B3GALT1: variants seen among roughly 807,000 people sequenced by gnomAD.
The protein encoded by B3GALT1 is beta-1,3-galactosyltransferase 1.
A neutral mutation model predicts 23.2 loss-of-function variants in B3GALT1; 10 were observed. That is an observed-to-expected ratio of 0.43 (90% confidence interval 0.27 to 0.73). The LOEUF (loss-of-function observed/expected upper bound fraction) is 0.73, where lower values mean the gene tolerates loss of function less well. Among genes scored for constraint, B3GALT1 ranks in the 30% least tolerant of loss-of-function variants. B3GALT1 has a pLI of 0.21. For missense variants in B3GALT1, 299 were observed against 405.4 expected (o/e 0.74, Z 2.25); for synonymous variants, 156 against 141.5 (o/e 1.10, Z -0.73).
At chr2:167,463,811 G>C (rs367907870) in intron 1 of B3GALT1, among the ~76,000 whole-genome samples, 29 of 152,290 alleles carry the variant, frequency 1.9e-4, no homozygotes, top group Admixed American at 9.8e-4. Context: ...TTTGATTTGA[G>C]CTTCTTTGAA....
intron 2 of B3GALT1, among the ~76,000 whole-genome samples, chr2:167,553,957 A>G (rs977350284): frequency 3.3e-5 from 5 of 152,186 alleles, no homozygotes; most frequent in Non-Finnish European, 7.3e-5. Flanking sequence ...CAAAATGTCA[A>G]AAAAATAAGG....
intron 2 of B3GALT1, among the ~76,000 whole-genome samples, chr2:167,565,383 A>G (rs1684137679): frequency 6.6e-6 from 1 of 152,262 alleles, no homozygotes; most frequent in Admixed American, 6.5e-5. Flanking sequence ...CTTAAACGTC[A>G]GACCTAAAAC....
At chr2:167,445,396 C>A (rs896926274) in intron 1 of B3GALT1, among the ~76,000 whole-genome samples, 3 of 152,176 alleles carry the variant, frequency 2.0e-5, no homozygotes, top group African/African-American at 7.2e-5. Flanking sequence ...TGGTGCAGAG[C>A]TGAGTTAAAT....
chr2:167,403,518 C>CA (rs1574065449), intron 1 of B3GALT1, among the ~76,000 whole-genome samples: 1 of 151,698 alleles, frequency 6.6e-6, no homozygotes, highest in African/African-American at 2.4e-5. Flanking sequence ...AAAAAAGACT[C>CA]AGAGTTTTGG....
At chr2:167,297,682 G>A (rs1696374853) in intron 1 of B3GALT1, among the ~76,000 whole-genome samples, 1 of 151,922 alleles carries the variant, frequency 6.6e-6, no homozygotes, top group Non-Finnish European at 1.5e-5. Context: ...CTTTCTTTGG[G>A]GTCTTTAGCT....
chr2:167,825,544 A>AT (rs1030156650), intron 4 of B3GALT1, among the ~76,000 whole-genome samples: 1 of 150,846 alleles, frequency 6.6e-6, no homozygotes, highest in African/African-American at 2.4e-5. Flanking sequence ...ATAGAAGACA[A>AT]TTCTCTTACT....
At chr2:167,551,950 T>C (rs1176022095) in intron 2 of B3GALT1, among the ~76,000 whole-genome samples, 1 of 152,234 alleles carries the variant, frequency 6.6e-6, no homozygotes, top group Non-Finnish European at 1.5e-5. Context: ...TTTGAAATAA[T>C]CCTTTTCAGT....
At chr2:167,553,897 A>G (rs1453550220) in intron 2 of B3GALT1, among the ~76,000 whole-genome samples, 1 of 152,212 alleles carries the variant, frequency 6.6e-6, no homozygotes, top group Non-Finnish European at 1.5e-5. Flanking sequence ...GTAAAAGGAC[A>G]GAAATGAGAG....
intron 3 of B3GALT1, among the ~76,000 whole-genome samples, chr2:167,805,992 C>T (rs57690258): frequency 0.03 from 4,481 of 151,106 alleles, 91 homozygotes; most frequent in South Asian, 0.057. Context: ...TTTGTATCCT[C>T]TTTTATTTCC....
chr2:167,510,109 T>C (rs1699983029), intron 2 of B3GALT1, among the ~76,000 whole-genome samples: 1 of 152,170 alleles, frequency 6.6e-6, no homozygotes, highest in Non-Finnish European at 1.5e-5. Flanking sequence ...TCTTACCCAA[T>C]ATCAAATTTG....
At chr2:167,679,170 G>A (rs1686484167) in intron 3 of B3GALT1, among the ~76,000 whole-genome samples, 2 of 151,096 alleles carry the variant, frequency 1.3e-5, no homozygotes, top group South Asian at 4.2e-4. Flanking sequence ...AGGCTGGAGT[G>A]CAATGGCGCA....
intron 2 of B3GALT1, among the ~76,000 whole-genome samples, chr2:167,616,871 T>C (rs978863252): frequency 6.6e-6 from 1 of 152,108 alleles, no homozygotes; most frequent in Non-Finnish European, 1.5e-5. Context: ...TTCTTGATAG[T>C]ACTTTGAATT....
intron 3 of B3GALT1, among the ~76,000 whole-genome samples, chr2:167,780,417 A>C (rs1037514551): frequency 6.6e-6 from 1 of 152,160 alleles, no homozygotes; most frequent in African/African-American, 2.4e-5. Context: ...AATTCTAAGA[A>C]CTCACTAACA....
intron 1 of B3GALT1, among the ~76,000 whole-genome samples, chr2:167,435,855 TGAA>T (rs1412732261): frequency 6.6e-6 from 1 of 152,084 alleles, no homozygotes; most frequent in Non-Finnish European, 1.5e-5. Context: ...CATAATTACT[TGAA>T]GAAGAACATT....
chr2:167,313,097 T>C (rs1436434820), intron 1 of B3GALT1, among the ~76,000 whole-genome samples: 1 of 152,150 alleles, frequency 6.6e-6, no homozygotes, highest in African/African-American at 2.4e-5. Context: ...TGTAATAATC[T>C]GATAGAGTAA....
At chr2:167,673,998 T>C (rs1686380745) in intron 3 of B3GALT1, among the ~76,000 whole-genome samples, 1 of 152,142 alleles carries the variant, frequency 6.6e-6, no homozygotes, top group Non-Finnish European at 1.5e-5. Context: ...GGTTCTCAGT[T>C]AAGCTTTGCT....
chr2:167,326,163 C>A (rs1696889644), intron 1 of B3GALT1, among the ~76,000 whole-genome samples: 1 of 150,042 alleles, frequency 6.7e-6, no homozygotes, highest in Non-Finnish European at 1.5e-5. Context: ...TTTTAATTTG[C>A]ATTTACCTGA....
At chr2:167,362,828 G>A (rs973289837) in intron 1 of B3GALT1, among the ~76,000 whole-genome samples, 20 of 152,064 alleles carry the variant, frequency 1.3e-4, no homozygotes, top group Admixed American at 7.9e-4. Context: ...TGTAAAGAAG[G>A]CAGCATTCAC....
intron 3 of B3GALT1, among the ~76,000 whole-genome samples, chr2:167,757,001 C>A (rs1174289420): frequency 6.6e-6 from 1 of 152,108 alleles, no homozygotes; most frequent in African/African-American, 2.4e-5. Flanking sequence ...TCAAATCCTA[C>A]CTCTCCTCCA....
Sources: gnomAD v4.1 joint callset for allele counts (sites outside exome capture counted in the v4.1 genomes callset) on GRCh38, gnomAD v4.1.1 for gene constraint, MANE v1.5 for transcripts, NCBI Gene and HGNC (gene_info 2026-07-23, HGNC 2026-07-21) for gene names.